SCRG1: variants seen among roughly 807,000 people sequenced by gnomAD.
The protein encoded by SCRG1 is scrapie-responsive protein 1.
SCRG1 carries 3 observed loss-of-function variants against 7.7 expected under a neutral mutation model. The ratio of observed to expected loss-of-function variants is 0.39; its 90% CI spans 0.18 to 1.01. The LOEUF is 1.01. Among genes scored for constraint, SCRG1 ranks in the 50% least tolerant of loss-of-function variants. The pLI is 0.36. For missense variants in SCRG1, 110 were observed against 117.2 expected (o/e 0.94, Z 0.28); for synonymous variants, 46 against 41.2 (o/e 1.12, Z -0.44).
the SCRG1 span, among the ~76,000 whole-genome samples, chr4:173,495,494 A>G: frequency 6.6e-6 from 1 of 152,250 alleles, no homozygotes; most frequent in Admixed American, 6.5e-5. Flanking sequence ...TGTGCACACT[A>G]TGTGCGCATA....
chr4:173,424,415 C>T, the SCRG1 span, among the ~76,000 whole-genome samples: 1 of 152,162 alleles, frequency 6.6e-6, no homozygotes, highest in Non-Finnish European at 1.5e-5. Context: ...CAACATGTCA[C>T]TTAGAAATAA....
chr4:173,391,439 A>G lies in SCRG1; in HGVS notation c.-14-11T>C, dbSNP rs750960346. The G allele has an allele frequency of 6.2e-7, 1 of 1,613,324 alleles. No homozygotes were observed. The highest frequency in any genetic ancestry group is 8.5e-7 in the Non-Finnish European group (1 of 1,179,468). On this transcript the variant is annotated splice_polypyrimidine_tract_variant and intron_variant, in intron 1 of 2. Transcript: ENST00000296506. ...TTTTGGCTTTTGGCCCTGAAATAGAAGAAAGACCAAAATGTGTCAATGTTT... is the reference window on the plus strand; with the variant it reads ...TTTTGGCTTTTGGCCCTGAAATAGAGGAAAGACCAAAATGTGTCAATGTTT...
chr4:173,441,064 G>A, the SCRG1 span, among the ~76,000 whole-genome samples: 1 of 152,156 alleles, frequency 6.6e-6, no homozygotes, highest in Admixed American at 6.5e-5. Flanking sequence ...TGGGTGGGGG[G>A]ACTATTCAAA....
intron 1 of SCRG1, among the ~76,000 whole-genome samples, chr4:173,406,013 G>C (rs1185341738): frequency 1.3e-5 from 2 of 152,196 alleles, no homozygotes; most frequent in African/African-American, 4.8e-5. Flanking sequence ...ATACCAACCT[G>C]TGTAAATACA....
At chr4:173,474,057 G>C in the SCRG1 span, among the ~76,000 whole-genome samples, 2 of 152,030 alleles carry the variant, frequency 1.3e-5, no homozygotes, top group South Asian at 4.1e-4. Context: ...GTGCTTGTCT[G>C]TAATCCCGGC....
At chr4:173,484,305 A>T in the SCRG1 span, among the ~76,000 whole-genome samples, 3 of 72,002 alleles carry the variant, frequency 4.2e-5, no homozygotes, top group Non-Finnish European at 7.1e-5. Flanking sequence ...TGTATATTTT[A>T]TATATTATAT....
chr4:173,485,357 G>T, the SCRG1 span, among the ~76,000 whole-genome samples: 1 of 149,240 alleles, frequency 6.7e-6, no homozygotes, highest in East Asian at 2.0e-4. Context: ...AGACCTAGCT[G>T]TCTTGCTGGA....
At chr4:173,464,976 A>G in the SCRG1 span, among the ~76,000 whole-genome samples, 1 of 152,230 alleles carries the variant, frequency 6.6e-6, no homozygotes, top group Non-Finnish European at 1.5e-5. Flanking sequence ...ATGTTAAGTG[A>G]AATAATCCAG....
chr4:173,433,758 G>A, the SCRG1 span, among the ~76,000 whole-genome samples: 1 of 152,130 alleles, frequency 6.6e-6, no homozygotes, highest in Non-Finnish European at 1.5e-5. Context: ...GTCTGAAGGA[G>A]CAGTGGACTC....
chr4:173,505,485 A>C, the SCRG1 span, among the ~76,000 whole-genome samples: 1 of 152,164 alleles, frequency 6.6e-6, no homozygotes, highest in East Asian at 1.9e-4. This position sits in a 1 kb window ranked among gnomAD's most constrained non-coding sequence, Gnocchi z 4.4. Flanking sequence ...GTGAAGAAAA[A>C]GGGAAAGGGG....
the SCRG1 span, among the ~76,000 whole-genome samples, chr4:173,475,266 G>A: frequency 7.2e-5 from 11 of 152,248 alleles, no homozygotes; most frequent in African/African-American, 2.4e-4. Context: ...CCCCTTAGGG[G>A]ACATTTGGAA....
At chr4:173,388,631 G>A (rs1168295882) in intron 2 of SCRG1, among the ~76,000 whole-genome samples, 3 of 152,074 alleles carry the variant, frequency 2.0e-5, no homozygotes, top group African/African-American at 4.8e-5. Flanking sequence ...TGTCATTTAC[G>A]AAGAAAAAGA....
the SCRG1 span, among the ~76,000 whole-genome samples, chr4:173,497,458 A>G: frequency 6.6e-6 from 1 of 151,928 alleles, no homozygotes; most frequent in Non-Finnish European, 1.5e-5. Context: ...TTCACTACAC[A>G]TCCCGGGAAA....
At chr4:173,476,755 A>G in the SCRG1 span, among the ~76,000 whole-genome samples, 1 of 152,108 alleles carries the variant, frequency 6.6e-6, no homozygotes, top group African/African-American at 2.4e-5. Context: ...AATGAGGTTG[A>G]GGCTGCAGTG....
chr4:173,419,687 G>A, the SCRG1 span: 90 of 826,918 alleles, frequency 1.1e-4, no homozygotes, highest in African/African-American at 1.2e-3. Context: ...AGCTCCCTTC[G>A]GGGCACCAAA....
At chr4:173,515,145 A>T in the SCRG1 span, among the ~76,000 whole-genome samples, 1 of 152,206 alleles carries the variant, frequency 6.6e-6, no homozygotes, top group African/African-American at 2.4e-5. This position sits in a 1 kb window ranked among gnomAD's most constrained non-coding sequence, Gnocchi z 4.6. Context: ...AGGAAATGGA[A>T]GGGAGTTGAA....
the SCRG1 span, among the ~76,000 whole-genome samples, chr4:173,417,120 A>G: frequency 6.6e-6 from 1 of 151,596 alleles, no homozygotes; most frequent in African/African-American, 2.4e-5. Flanking sequence ...ACACAGACAC[A>G]CACAGACAGA....
the SCRG1 span, among the ~76,000 whole-genome samples, chr4:173,471,568 G>A: frequency 9.9e-5 from 15 of 152,062 alleles, no homozygotes; most frequent in East Asian, 2.7e-3. Flanking sequence ...ATTAAAAAAT[G>A]GCCATTTCAG....
At chr4:173,443,003 A>T in the SCRG1 span, among the ~76,000 whole-genome samples, 1 of 152,218 alleles carries the variant, frequency 6.6e-6, no homozygotes, top group Non-Finnish European at 1.5e-5. Context: ...GCTTGGGGGC[A>T]TAATAGTGCA....
Sources: gnomAD v4.1 joint callset for allele counts (sites outside exome capture counted in the v4.1 genomes callset) on GRCh38, gnomAD v4.1.1 for gene constraint, Gnocchi (gnomAD v3.1) non-coding constraint, MANE v1.5 for transcripts, NCBI Gene and HGNC (gene_info 2026-07-23, HGNC 2026-07-21) for gene names.